Variants in RBFOX1 observed in about 807,000 individuals in gnomAD.
RBFOX1 encodes the protein RNA binding protein fox-1 homolog 1.
In RBFOX1, 8 loss-of-function variants were observed where a neutral mutation model predicts 57.7. The ratio of observed to expected loss-of-function variants is 0.14; its 90% CI spans 0.08 to 0.25. RBFOX1 has a LOEUF of 0.25. RBFOX1 is among the 10% of genes least tolerant of loss of function. RBFOX1 has a pLI of 1.00. For synonymous variants in RBFOX1, 326 were observed against 222.4 expected, an observed-to-expected ratio of 1.47 and a Z score of -4.15; for missense variants, 611 against 548.5, an observed-to-expected ratio of 1.11 and a Z score of -1.14.
At chr16:7,058,035 C>G (rs1189938752) in intron 4 of RBFOX1, among the ~76,000 whole-genome samples, 2 of 147,658 alleles carry the variant, frequency 1.4e-5, no homozygotes, top group Non-Finnish European at 3.0e-5. Context: ...CGAAAACCAC[C>G]AGATATAGAT....
intron 13 of RBFOX1, among the ~76,000 whole-genome samples, chr16:7,670,439 C>G (rs1204871727): frequency 3.9e-5 from 6 of 152,148 alleles, no homozygotes; most frequent in Non-Finnish European, 7.4e-5. Context: ...ATGCTGAAGC[C>G]CTGAGCCCAC....
At chr16:7,704,754 A>C (rs942740081) in intron 14 of RBFOX1, among the ~76,000 whole-genome samples, 17 of 152,186 alleles carry the variant, frequency 1.1e-4, no homozygotes, top group African/African-American at 3.6e-4. Flanking sequence ...GTGCCCTTAA[A>C]AATAAGAGCA....
At chr16:6,717,921 G>T (rs763582888) in intron 3 of RBFOX1, among the ~76,000 whole-genome samples, 34 of 152,208 alleles carry the variant, frequency 2.2e-4, no homozygotes, top group Non-Finnish European at 4.4e-4. Flanking sequence ...CTGGGATAAA[G>T]CTTCAGTTCC....
chr16:5,377,692 C>A (rs2151384697), intron 1 of RBFOX1, among the ~76,000 whole-genome samples: 1 of 151,286 alleles, frequency 6.6e-6, no homozygotes, highest in East Asian at 1.9e-4. Context: ...CCTAGAGGTC[C>A]CAGGGGAAGG....
chr16:5,756,239 A>C (rs1300840854), intron 3 of RBFOX1, among the ~76,000 whole-genome samples: 3 of 151,068 alleles, frequency 2.0e-5, no homozygotes, highest in Non-Finnish European at 4.4e-5. Context: ...AAAAAAAAAA[A>C]AAAAAAAAAC....
At chr16:6,934,980 C>A (rs1381077855) in intron 3 of RBFOX1, among the ~76,000 whole-genome samples, 2 of 151,740 alleles carry the variant, frequency 1.3e-5, no homozygotes, top group African/African-American at 2.4e-5. Flanking sequence ...TCCAGCAAGT[C>A]GGGAGGCTGA....
intron 3 of RBFOX1, among the ~76,000 whole-genome samples, chr16:5,772,148 G>A (rs2054000503): frequency 1.3e-5 from 2 of 152,110 alleles, no homozygotes; most frequent in South Asian, 4.1e-4. Context: ...CTCCAGCCTG[G>A]GTGACAGAGC....
At chr16:6,780,410 T>TTATATATTTA (rs2080721438) in intron 3 of RBFOX1, among the ~76,000 whole-genome samples, 2 of 79,224 alleles carry the variant, frequency 2.5e-5, no homozygotes, top group Non-Finnish European at 4.1e-5. Flanking sequence ...TTATATATAT[T>TTATATATTTA]TATATATATT....
At chr16:5,499,160 G>C (rs901642670) in intron 2 of RBFOX1, among the ~76,000 whole-genome samples, 3 of 152,178 alleles carry the variant, frequency 2.0e-5, no homozygotes, top group Non-Finnish European at 2.9e-5. Flanking sequence ...CATAAGCTCT[G>C]AGGGTAGAAA....
chr16:6,543,415 GGT>G (rs2153835694), intron 2 of RBFOX1, among the ~76,000 whole-genome samples: 1 of 152,142 alleles, frequency 6.6e-6, no homozygotes, highest in South Asian at 2.1e-4. Context: ...ACCTTTATTG[GGT>G]TGGCCTGATT....
chr16:6,929,308 A>C, intron 3 of RBFOX1, among the ~76,000 whole-genome samples: 1 of 152,172 alleles, frequency 6.6e-6, no homozygotes, highest in Admixed American at 6.5e-5. Context: ...GGTAAATGGA[A>C]GAGGGGTTTA....
chr16:5,623,398 C>G (rs758976890), intron 3 of RBFOX1, among the ~76,000 whole-genome samples: 4 of 152,176 alleles, frequency 2.6e-5, no homozygotes, highest in Non-Finnish European at 5.9e-5. Flanking sequence ...CAAAACAAAA[C>G]AGAGAAAGTC....
chr16:6,043,103 G>A (rs1293644948), intron 1 of RBFOX1, among the ~76,000 whole-genome samples: 2 of 110,472 alleles, frequency 1.8e-5, no homozygotes, highest in Non-Finnish European at 3.4e-5. Context: ...GGGCGACAGA[G>A]CAAGATTGTG....
At chr16:7,019,604 C>A (rs1224803558) in intron 3 of RBFOX1, among the ~76,000 whole-genome samples, 1 of 151,432 alleles carries the variant, frequency 6.6e-6, no homozygotes, top group Admixed American at 6.6e-5. Flanking sequence ...TACGTAGTTT[C>A]ATTTTACAGT....
intron 3 of RBFOX1, among the ~76,000 whole-genome samples, chr16:5,809,353 CA>C (rs375812931): frequency 3.9e-5 from 6 of 152,150 alleles, no homozygotes; most frequent in Non-Finnish European, 7.3e-5. Context: ...AGCTTCTGGA[CA>C]GCAAAAGAAA....
intron 3 of RBFOX1, among the ~76,000 whole-genome samples, chr16:6,767,711 C>T (rs989911631): frequency 6.6e-6 from 1 of 151,620 alleles, no homozygotes; most frequent in African/African-American, 2.4e-5. Flanking sequence ...ATCAGGAGTT[C>T]GAGAGCAGCC....
Position 5,364,497 on chromosome 16 carries a change from C to G in RBFOX1, c.220-102719C>G, listed in dbSNP as rs575760009. ...CCAAGAGGAACTTACTTTCTTGGTT[C>G]CCGATGCAAGGGATCTGGCAATAGG... is the stretch of plus-strand genomic sequence containing the variant. On this transcript the variant is annotated intron_variant, in intron 1 of 2. Transcript: ENST00000585867. 2.6e-4 allele frequency among the ~76,000 whole-genome samples: 40 copies of G among 152,300 alleles called. 1 individual carries two copies. Among genetic ancestry groups the G allele is most frequent in the Admixed American group, 1.6e-3 (24 of 15,300 alleles).
intron 5 of RBFOX1, chr16:7,519,906 G>A (rs2077158889): frequency 4.4e-6 from 1 of 227,704 alleles, no homozygotes; most frequent in Admixed American, 6.5e-5. Flanking sequence ...GTTTTTTTGA[G>A]ATGGGGTCTC....
intron 3 of RBFOX1, among the ~76,000 whole-genome samples, chr16:5,772,618 G>T (rs188836782): frequency 6.8e-4 from 104 of 152,330 alleles, no homozygotes; most frequent in South Asian, 4.6e-3. Flanking sequence ...CAAGTGAGTT[G>T]AAAGGATGGT....
Sources: allele counts gnomAD v4.1 joint callset (sites outside exome capture counted in the v4.1 genomes callset), GRCh38; gene constraint gnomAD v4.1.1; transcripts MANE v1.5; gene names NCBI Gene and HGNC (gene_info 2026-07-23, HGNC 2026-07-21).